Variants in FAM186B observed in about 807,000 individuals in gnomAD.
The protein encoded by FAM186B is family with sequence similarity 186 member B.
FAM186B carries 68 observed loss-of-function variants against 83.4 expected under a neutral mutation model. The ratio of observed to expected loss-of-function variants is 0.81; its 90% CI spans 0.67 to 1.00. The LOEUF (loss-of-function observed/expected upper bound fraction) is 1.00. Among genes scored for constraint, FAM186B ranks in the 50% least tolerant of loss-of-function variants. The pLI is 0.00. For missense variants in FAM186B, 983 were observed against 1,099.2 expected, an observed-to-expected ratio of 0.89 and a Z score of 1.49; for synonymous variants, 389 against 422.0, an observed-to-expected ratio of 0.92 and a Z score of 0.96.
downstream of FAM186B, among the ~76,000 whole-genome samples, chr12:49,586,952 C>G (rs776914866): frequency 2.6e-5 from 4 of 152,116 alleles, no homozygotes; most frequent in Non-Finnish European, 4.4e-5. Flanking sequence ...GCATCAGGAC[C>G]CTCTCCCCAT....
chr12:49,600,983 GA>G lies in FAM186B; in HGVS notation c.656del (p.Leu219ProfsTer29). On this transcript the variant is annotated frameshift_variant, in exon 4 of 7. Coordinates refer to ENST00000257894, the MANE Select transcript of FAM186B (RefSeq NM_032130.3). LOFTEE classifies it high-confidence loss of function. This position sits in a 1 kb window ranked among gnomAD's most constrained non-coding sequence, Gnocchi z 4.3. Reference protein sequence around the residue: ...ASEVTSMLQELLDSTMFSKGE... With the variant: ...ASEVTSMLQEXLDSTMFSKGE... ...CCTTGCTGAACATGGTAGAGTCCAG[GA>G]GCTCCTGCAGCATGGACGTCACCTC... The G allele has an allele frequency of 6.2e-7, 1 of 1,614,126 alleles. No individual in the cohort carries two copies.
intron 1 of FAM186B, 36 bp downstream of exon 1, chr12:49,605,346 C>A: frequency 6.3e-7 from 1 of 1,595,626 alleles, no homozygotes; most frequent in Non-Finnish European, 8.5e-7. Context: ...GCATCAGATC[C>A]CAATGTAAGA....
chr12:49,600,324 T>C lies in FAM186B; in HGVS notation c.1316A>G (p.His439Arg). The C allele has an allele frequency of 6.2e-7, 1 of 1,614,202 alleles. No individual in the cohort carries two copies. Among genetic ancestry groups the C allele is most frequent in the Non-Finnish European group, 8.5e-7 (1 of 1,180,024 alleles). ...GTAGTCCTCCTGGTCTTTGTCTTTG[T>C]GGCCTAAGCTTTCTGCCACCGGTCT... is the stretch of plus-strand genomic sequence containing the variant. ...WERPVAESLG[H>R]KDKDQEDYFQ... Residue 439 changes from histidine to arginine, a missense_variant, in exon 4 of 7, where the codon CAC becomes CGC. His to Arg is a conservative substitution (Grantham distance 29). Transcript: ENST00000257894. The surrounding 1 kb of genome is among the most constrained non-coding windows in gnomAD (Gnocchi z 4.3).
rs1210202431 is a variant in FAM186B at position 49,592,014 on chromosome 12, G to T, written c.2365-3391C>A. On this transcript the variant is annotated intron_variant, in intron 5 of 6. Coordinates refer to ENST00000257894, the MANE Select transcript of FAM186B (RefSeq NM_032130.3). The stretch of plus-strand genomic sequence containing the variant: ...TGAATCCACAGATGCAGAACCCATA[G>T]ATACAGAGGGCCAACTGCATTAGGG... Among the ~76,000 whole-genome samples, 3 of 152,254 alleles carry T rather than the reference G, an allele frequency of 2.0e-5. No homozygotes were observed. In the East Asian group the frequency reaches 5.8e-4, roughly 29 times the overall value.
Position 49,600,135 on chromosome 12 carries a change from T to A in FAM186B, c.1505A>T (p.Gln502Leu). The change falls in exon 4 of 7, where the codon CAG (glutamine) becomes CTG (leucine). Residue 502 changes from glutamine (Q) to leucine (L), a missense_variant. Gln to Leu is a moderately radical substitution (Grantham distance 113). Coordinates refer to ENST00000257894, the MANE Select transcript of FAM186B (RefSeq NM_032130.3). This position sits in a 1 kb window ranked among gnomAD's most constrained non-coding sequence, Gnocchi z 4.3. ...CAGCAGGGCCCACTTCTTCTGCCGC[T>A]GCTGCCACATCTCCTCCTCCTCCAG... is the stretch of plus-strand genomic sequence containing the variant. ...LWLEEEEMWQQRQKKWALLEQ... is the reference protein window; with the variant it reads ...LWLEEEEMWQLRQKKWALLEQ... 6.2e-7 allele frequency: 1 copy of A among 1,613,746 alleles called. No individual in the cohort carries two copies. The highest frequency in any genetic ancestry group is 8.5e-7 in the Non-Finnish European group (1 of 1,179,808).
rs1361826956 is a variant in FAM186B, at chr12:49,603,347, T to C, written c.343A>G (p.Ile115Val). The change falls in exon 3 of 7, where the codon ATT (isoleucine) becomes GTT (valine). Residue 115 changes from isoleucine (I) to valine (V), a missense_variant. Ile to Val is a conservative substitution (Grantham distance 29). Transcript: ENST00000257894. ...TCCTCTTCACTCTTCCTGGGCCCAA[T>C]CTCATAGGTCAGAGTGTCACCTGGA... ...GDWGDTLTYE[I>V]GPRKSEEEAA... 2 of 1,614,062 alleles carry C rather than the reference T, an allele frequency of 1.2e-6. No homozygotes were observed. Among genetic ancestry groups the C allele is most frequent in the African/African-American group, 1.3e-5 (1 of 75,010 alleles).
At position 49,603,434 on chromosome 12, in the gene FAM186B, T is replaced by C. The variant is rs1409512390; in HGVS notation, c.323-67A>G. Reference sequence around the variant, plus strand: ...CTCCAGGGGGACACAGACAGCCCTATAGCACAGGGGTTCCAGCAGCTGTGA... The same window carrying C: ...CTCCAGGGGGACACAGACAGCCCTACAGCACAGGGGTTCCAGCAGCTGTGA... On this transcript the variant is annotated intron_variant, in intron 2 of 6. Transcript: ENST00000257894. The C allele has an allele frequency of 6.6e-6, 10 of 1,517,560 alleles. No homozygotes were observed. In the African/African-American group the frequency reaches 6.9e-5, roughly 10 times the overall value. 94.0% of individuals were successfully genotyped at this position (1,517,560 alleles called of 1,614,324 possible). A position where few individuals can be genotyped will look rare whatever the true frequency, so the allele number is the denominator to read the frequency against.
At chr12:49,583,245 C>T (rs887724334), downstream of FAM186B, 2 of 347,746 alleles carry the variant, frequency 5.8e-6, no homozygotes, top group Non-Finnish European at 1.1e-5. Context: ...AAAATAGTCT[C>T]ATTACATTTA....
chr12:49,601,816 G>A (rs1939902418), intron 3 of FAM186B, among the ~76,000 whole-genome samples: 1 of 152,006 alleles, frequency 6.6e-6, no homozygotes, highest in Non-Finnish European at 1.5e-5. Context: ...TATAGAGCTG[G>A]TGGAGTGATT....
Position 49,598,820 on chromosome 12 carries a change from T to G in FAM186B, c.2299A>C (p.Lys767Gln). The G allele has an allele frequency of 1.9e-6, 3 of 1,613,006 alleles. No homozygotes were observed. The highest frequency in any genetic ancestry group is 2.5e-6 in the Non-Finnish European group (3 of 1,179,822). The change falls in exon 5 of 7, where the codon AAG becomes CAG. Residue 767 changes from lysine to glutamine, a missense_variant. Coordinates refer to ENST00000257894, the MANE Select transcript of FAM186B (RefSeq NM_032130.3). ...TGCTTCTCCTCCAGCCCCTTCTGCTTGTCCGTCCAGGCCTGCAGCCTGAGA... is the reference window on the plus strand; with the variant it reads ...TGCTTCTCCTCCAGCCCCTTCTGCTGGTCCGTCCAGGCCTGCAGCCTGAGA... ...QSLRLQAWTD[K>Q]QKGLEEKHRE...
chr12:49,583,641 C>T (rs1592539014), downstream of FAM186B: 1 of 153,178 alleles, frequency 6.5e-6, no homozygotes, highest in Non-Finnish European at 1.5e-5. Context: ...GCTGTTCACA[C>T]CCCACATCCT....
At chr12:49,587,460 G>A, downstream of FAM186B, 1 of 1,163,112 alleles carries the variant, frequency 8.6e-7, no homozygotes, top group South Asian at 1.4e-5. Context: ...AAGGAACCAG[G>A]TTAGCCTCTC....
chr12:49,582,937 C>T (rs964023030), downstream of FAM186B: 7 of 438,014 alleles, frequency 1.6e-5, no homozygotes, highest in Admixed American at 5.0e-5. Context: ...CAGCTTGGCC[C>T]GTGCAGGCTT....
At position 49,602,892 on chromosome 12, in the gene FAM186B, C is replaced by T. The variant is rs1441828526; in HGVS notation, c.505+293G>A. Among the ~76,000 whole-genome samples, 3 of 152,336 alleles carry T rather than the reference C, an allele frequency of 2.0e-5. No individual in the cohort carries two copies. In the South Asian group the frequency reaches 6.2e-4, roughly 32 times the overall value. On this transcript the variant is annotated intron_variant, in intron 3 of 6. Transcript: ENST00000257894. ...CAGGTTCTAGCTGCTAACTCTAGCC[C>T]TCCTGGCCTCCCAGCTTTGTTCCTC...
Position 49,603,314 on chromosome 12 carries a change from C to G in FAM186B, c.376G>C (p.Ala126Pro). ...GPRKSEEEAAALDEWIEVTEK... is the reference protein window; with the variant it reads ...GPRKSEEEAAPLDEWIEVTEK... Reference sequence around the variant, plus strand: ...GTCACTTCAATCCATTCGTCCAGAGCTGCTGCTTCCTCTTCACTCTTCCTG... The same window carrying G: ...GTCACTTCAATCCATTCGTCCAGAGGTGCTGCTTCCTCTTCACTCTTCCTG... Residue 126 changes from alanine to proline, a missense_variant, in exon 3 of 7, where the codon GCT (alanine) becomes CCT (proline). Transcript: ENST00000257894. 2 of 1,614,228 alleles carry G rather than the reference C, an allele frequency of 1.2e-6. No homozygotes were observed. Among genetic ancestry groups the G allele is most frequent in the South Asian group, 2.2e-5 (2 of 91,084 alleles).
chr12:49,598,765 A>T lies in FAM186B; in HGVS notation c.2354T>A (p.Met785Lys), dbSNP rs1394214485. ...HRECLSSMVT[M>K]FPKLQLEWNV... is the part of the protein sequence containing the mutation. ...GGGCGGGAGGCCCACCTTGGGGAAC[A>T]TGGTCACCATGCTGCTCAGGCACTC... Residue 785 changes from methionine (M) to lysine (K), a missense_variant, in exon 5 of 7, where the codon ATG becomes AAG. Met to Lys is a moderately conservative substitution (Grantham distance 95). Coordinates refer to ENST00000257894, the MANE Select transcript of FAM186B (RefSeq NM_032130.3). 2.5e-6 allele frequency: 4 copies of T among 1,603,892 alleles called. No homozygotes were observed. Among genetic ancestry groups the T allele is most frequent in the Non-Finnish European group, 3.4e-6 (4 of 1,177,880 alleles).
the FAM186B span, among the ~76,000 whole-genome samples, chr12:49,617,812 T>C: frequency 6.6e-6 from 1 of 152,060 alleles, no homozygotes; most frequent in Non-Finnish European, 1.5e-5. Context: ...CATAAATCCA[T>C]AAGGACAGGG....
chr12:49,614,260 T>TA, the FAM186B span, among the ~76,000 whole-genome samples: 1 of 152,110 alleles, frequency 6.6e-6, no homozygotes, highest in South Asian at 2.1e-4. Flanking sequence ...ACCAAAAAGA[T>TA]ACATGCACTC....
chr12:49,615,725 G>C, the FAM186B span, among the ~76,000 whole-genome samples: 1 of 152,032 alleles, frequency 6.6e-6, no homozygotes, highest in African/African-American at 2.4e-5. Context: ...GGAAGTCAAG[G>C]CTGCAGTGAG....
Sources: gnomAD v4.1 joint callset for allele counts (sites outside exome capture counted in the v4.1 genomes callset) on GRCh38, gnomAD v4.1.1 for gene constraint, Gnocchi (gnomAD v3.1) non-coding constraint, MANE v1.5 for transcripts, NCBI Gene and HGNC (gene_info 2026-07-23, HGNC 2026-07-21) for gene names.